Variants in REST observed in about 807,000 individuals in gnomAD.
REST encodes RE1 silencing transcription factor, also known as RE1-silencing transcription factor.
A neutral mutation model predicts 30.4 loss-of-function variants in REST; 1 was observed. The observed-to-expected ratio is 0.03, with a 90% CI of 0.01 to 0.16. REST has a LOEUF of 0.16. REST is among the 10% of genes least tolerant of loss of function. REST has a pLI of 1.00. For synonymous variants in REST, 504 were observed against 451.1 expected (o/e 1.12, Z -1.49); for missense variants, 1,259 against 1,329.5 (o/e 0.95, Z 0.82).
intron 3 of REST, among the ~76,000 whole-genome samples, chr4:56,922,146 TTTA>T (rs1720480640): frequency 6.6e-6 from 1 of 152,040 alleles, no homozygotes; most frequent in Admixed American, 6.6e-5. Context: ...GAAACCTGGT[TTTA>T]TTATTTTTGG....
At chr4:56,914,018 C>CT (rs1720055704) in intron 2 of REST, among the ~76,000 whole-genome samples, 1 of 151,810 alleles carries the variant, frequency 6.6e-6, no homozygotes, top group Admixed American at 6.6e-5. Flanking sequence ...TCACTGCAGC[C>CT]TTGACCTCCT....
intron 2 of REST, among the ~76,000 whole-genome samples, chr4:56,915,075 C>G (rs953359524): frequency 1.3e-5 from 2 of 151,406 alleles, no homozygotes; most frequent in African/African-American, 4.9e-5. Context: ...CAGGCATGCG[C>G]CACCACACCT....
At chr4:56,929,376 T>G (rs951465175) in intron 3 of REST, among the ~76,000 whole-genome samples, 3 of 152,208 alleles carry the variant, frequency 2.0e-5, no homozygotes, top group Non-Finnish European at 2.9e-5. Context: ...TGTTCTCTAA[T>G]TCCTGGGCTC....
At chr4:56,922,164 T>G (rs1720481639) in intron 3 of REST, among the ~76,000 whole-genome samples, 1 of 152,000 alleles carries the variant, frequency 6.6e-6, no homozygotes, top group African/African-American at 2.4e-5. Flanking sequence ...TTTTGGGTGT[T>G]TTTTGGTTTC....
chr4:56,910,703 T>C lies in REST; in HGVS notation c.65T>C (p.Ile22Thr). The change falls in exon 2 of 4, where the codon ATT (isoleucine) becomes ACT (threonine). Residue 22 changes from isoleucine to threonine, a missense_variant. Physicochemically the swap from Ile to Thr is moderately conservative, Grantham distance 89. Coordinates refer to ENST00000309042, the MANE Select transcript of REST (RefSeq NM_005612.5). ...GGGLFTSSGNIGMALPNDMYD... is the reference protein window; with the variant it reads ...GGGLFTSSGNTGMALPNDMYD... ...GGGCTGTTTACCAGCAGTGGCAACA[T>C]TGGAATGGCCCTGCCTAACGACATG... is the stretch of plus-strand genomic sequence containing the variant. 1.2e-6 allele frequency: 2 copies of C among 1,614,166 alleles called. No homozygotes were observed. Among genetic ancestry groups the C allele is most frequent in the Non-Finnish European group, 1.7e-6 (2 of 1,180,010 alleles).
At chr4:56,916,293 T>G (rs1429618390) in intron 2 of REST, among the ~76,000 whole-genome samples, 2 of 152,194 alleles carry the variant, frequency 1.3e-5, no homozygotes, top group African/African-American at 4.8e-5. Context: ...GAAAAATCAG[T>G]AGGTAACTAA....
intron 2 of REST, among the ~76,000 whole-genome samples, chr4:56,913,547 C>G (rs1327576046): frequency 6.6e-6 from 1 of 152,154 alleles, no homozygotes; most frequent in African/African-American, 2.4e-5. Context: ...CTCAGGTCTC[C>G]TCTTACAGGA....
rs1720951966 is a variant in REST, at chr4:56,931,171, G to A, written c.2313G>A (p.Val771=). The stretch of plus-strand genomic sequence containing the variant: ...TAGAGCTGTCTCCTCCCATAGAGGT[G>A]GTCCAGAAGGAGCCTGTTCAGATGG... ...VKIELSPPIE[V]VQKEPVQMEL... The change falls in exon 4 of 4, where the codon GTG becomes GTA. Residue 771 remains valine (V), a synonymous_variant. Transcript: ENST00000309042. 1.2e-6 allele frequency: 2 copies of A among 1,613,584 alleles called. No individual in the cohort carries two copies. The highest frequency in any genetic ancestry group is 1.7e-6 in the Non-Finnish European group (2 of 1,179,722).
intron 3 of REST, among the ~76,000 whole-genome samples, chr4:56,921,573 CTA>C (rs1214157446): frequency 6.6e-6 from 1 of 152,030 alleles, no homozygotes; most frequent in Non-Finnish European, 1.5e-5. Flanking sequence ...CCATACCCAG[CTA>C]ATTTTTGTAA....
intron 3 of REST, among the ~76,000 whole-genome samples, chr4:56,921,214 G>A (rs954716615): frequency 1.3e-5 from 2 of 152,062 alleles, no homozygotes; most frequent in African/African-American, 4.8e-5. Context: ...ATCCCTGTGG[G>A]AAAAGTATCT....
In REST at chr4:56,931,564, A is replaced by G. The variant is rs1299530181; in HGVS notation, c.2706A>G (p.Ala902=). ...APLQKVGAEE[A]DESLPGLAAN... The stretch of plus-strand genomic sequence containing the variant: ...TTCAGAAAGTAGGAGCAGAAGAGGC[A>G]GATGAGAGCCTACCTGGTCTTGCTG... Residue 902 remains alanine (A), a synonymous_variant, in exon 4 of 4, where the codon GCA becomes GCG. Coordinates refer to ENST00000309042, the MANE Select transcript of REST (RefSeq NM_005612.5). 1.2e-6 allele frequency: 2 copies of G among 1,614,232 alleles called. No individual in the cohort carries two copies. The highest frequency in any genetic ancestry group is 1.7e-6 in the Non-Finnish European group (2 of 1,180,042).
intron 2 of REST, among the ~76,000 whole-genome samples, chr4:56,918,480 G>A (rs927325119): frequency 7.9e-5 from 12 of 152,156 alleles, no homozygotes; most frequent in African/African-American, 2.4e-4. Flanking sequence ...GCAACAGAGC[G>A]AGACCCTGTC....
chr4:56,911,403 C>T lies in REST; in HGVS notation c.765C>T (p.Tyr255=). ...ERVYKCIICT[Y]TTVSEYHWRK... is the part of the protein sequence containing the mutation. Reference sequence around the variant, plus strand: ...TCTACAAGTGTATCATTTGCACATACACAACAGTGAGCGAGTATCACTGGA... The same window carrying T: ...TCTACAAGTGTATCATTTGCACATATACAACAGTGAGCGAGTATCACTGGA... The change falls in exon 2 of 4, where the codon TAC becomes TAT. Residue 255 remains tyrosine, a synonymous_variant. Coordinates refer to ENST00000309042, the MANE Select transcript of REST (RefSeq NM_005612.5). 1 of 1,614,194 alleles carries T rather than the reference C, an allele frequency of 6.2e-7. No homozygotes were observed. The highest frequency in any genetic ancestry group is 8.5e-7 in the Non-Finnish European group (1 of 1,180,040).
At chr4:56,911,593 TG>T in intron 2 of REST, 57 bp downstream of exon 2, 1 of 1,442,608 alleles carries the variant, frequency 6.9e-7, no homozygotes, top group East Asian at 2.3e-5. Flanking sequence ...GTTACTTGAG[TG>T]GTTAGTTAAG....
rs749471105 is a variant in REST, at chr4:56,931,535, C to T, written c.2677C>T (p.Pro893Ser). ...LNTGEGNKEA[P>S]LQKVGAEEAD... ...CACAGGTGAAGGAAATAAAGAAGCC[C>T]CTCTTCAGAAAGTAGGAGCAGAAGA... is the stretch of plus-strand genomic sequence containing the variant. Residue 893 changes from proline to serine, a missense_variant, in exon 4 of 4, where the codon CCT becomes TCT. Physicochemically the swap from Pro to Ser is moderately conservative, Grantham distance 74. Around this residue, in one of 5 missense-constraint regions of REST, gnomAD observed 856 missense variants for 772.8 expected, o/e 1.11. Transcript: ENST00000309042. 3.1e-6 allele frequency: 5 copies of T among 1,614,036 alleles called. No homozygotes were observed. In the Admixed American group the frequency reaches 8.3e-5, roughly 27 times the overall value.
Position 56,914,793 on chromosome 4 carries a change from G to A in REST, c.898+3257G>A, listed in dbSNP as rs539339842. ...AGTCTTGAACTCCTGACCTCAGGTC[G>A]TCTGCCCACCTCAGCCTCCTGAAGT... On this transcript the variant is annotated intron_variant, in intron 2 of 3. Transcript: ENST00000309042. 3.4e-3 allele frequency among the ~76,000 whole-genome samples: 510 copies of A among 151,918 alleles called. 2 individuals are homozygous for A. Among genetic ancestry groups the A allele is most frequent in the Non-Finnish European group, 5.3e-3 (359 of 67,980 alleles).
At chr4:56,926,470 G>A (rs990808499) in intron 3 of REST, among the ~76,000 whole-genome samples, 6 of 151,364 alleles carry the variant, frequency 4.0e-5, no homozygotes, top group South Asian at 2.1e-4. Context: ...TCTGCCTCCC[G>A]GGTTCAAGGG....
intron 2 of REST, among the ~76,000 whole-genome samples, chr4:56,912,693 T>C (rs1719987775): frequency 6.6e-6 from 1 of 152,148 alleles, no homozygotes. Context: ...TTTGTATTTT[T>C]AGTAGAGATG....
chr4:56,928,033 G>A (rs148444324), intron 3 of REST, among the ~76,000 whole-genome samples: 7 of 152,298 alleles, frequency 4.6e-5, no homozygotes, highest in African/African-American at 7.2e-5. Context: ...TGGGAGTATC[G>A]CCCAGAGTGA....
Sources: gnomAD v4.1 joint callset for allele counts (sites outside exome capture counted in the v4.1 genomes callset) on GRCh38, gnomAD v4.1.1 for gene constraint, gnomAD v4.1.1 regional missense constraint, MANE v1.5 for transcripts, NCBI Gene and HGNC (gene_info 2026-07-23, HGNC 2026-07-21) for gene names.